The following PDE1A variants were observed in gnomAD, a reference collection of about 807,000 sequenced individuals.
PDE1A encodes the protein phosphodiesterase 1A, also known as dual specificity calcium/calmodulin-dependent 3',5'-cyclic nucleotide phosphodiesterase 1A.
Under a neutral mutation model 61.7 loss-of-function variants are expected in PDE1A, and 35 were observed. The ratio of observed to expected loss-of-function variants is 0.57; its 90% CI spans 0.43 to 0.75. The LOEUF is 0.75. PDE1A is among the 30% of genes least tolerant of loss of function. The probability of loss-of-function intolerance (pLI) is 0.00; values close to 1 mark genes in which losing one functional copy is unlikely to be tolerated. For synonymous variants in PDE1A, 232 were observed against 213.2 expected (o/e 1.09, Z -0.77); for missense variants, 597 against 630.6 (o/e 0.95, Z 0.57).
At chr2:182,442,165 C>T (rs1559467233) in intron 2 of PDE1A, among the ~76,000 whole-genome samples, 1 of 151,992 alleles carries the variant, frequency 6.6e-6, no homozygotes, top group South Asian at 2.1e-4. Context: ...TAATTATGTG[C>T]CTCCTGACCC....
downstream of PDE1A, among the ~76,000 whole-genome samples, chr2:182,166,330 G>A (rs571107727): frequency 3.9e-5 from 6 of 152,110 alleles, no homozygotes; most frequent in Non-Finnish European, 8.8e-5. Flanking sequence ...CTGGGACAAA[G>A]CAGGTAGAAA....
the PDE1A span, among the ~76,000 whole-genome samples, chr2:182,684,676 G>A: frequency 5.3e-5 from 8 of 152,146 alleles, no homozygotes; most frequent in South Asian, 4.1e-4. Flanking sequence ...TCAGCCTCCC[G>A]AGCAGCTGGG....
exon 2 of PDE1A, chr2:182,264,340 G>A (rs1418750796): frequency 3.1e-6 from 5 of 1,612,816 alleles, no homozygotes; most frequent in East Asian, 4.5e-5. Context: ...CACAGATGCC[G>A]CATATTCAAT....
At chr2:182,462,325 A>G (rs887647289) in intron 2 of PDE1A, among the ~76,000 whole-genome samples, 1 of 148,890 alleles carries the variant, frequency 6.7e-6, no homozygotes, top group Non-Finnish European at 1.5e-5. Flanking sequence ...ATAGACATAT[A>G]AAAAAGTATA....
At position 182,394,871 on chromosome 2, in the gene PDE1A, A is replaced by C. The variant is rs372583041; in HGVS notation, c.53+31707T>G. 3.3e-4 allele frequency among the ~76,000 whole-genome samples: 51 copies of C among 152,318 alleles called. No individual in the cohort carries two copies. The South Asian group carries it at 0.011, about 32-fold the overall frequency. On this transcript the variant is annotated intron_variant, in intron 1 of 13. Transcript: ENST00000351439. The stretch of plus-strand genomic sequence containing the variant: ...CTGCCTCCACCTAGAAAAACAGTAA[A>C]TCAAAAACAATATCACATCCCTGGA...
the PDE1A span, among the ~76,000 whole-genome samples, chr2:182,530,872 T>C: frequency 1.4e-5 from 2 of 146,364 alleles, no homozygotes; most frequent in East Asian, 4.2e-4. Context: ...GTAAATATCA[T>C]AGCCTTTCTT....
chr2:182,187,319 T>A (rs1685293144), intron 11 of PDE1A, among the ~76,000 whole-genome samples: 1 of 152,192 alleles, frequency 6.6e-6, no homozygotes, highest in African/African-American at 2.4e-5. Context: ...GAAAAGGGCA[T>A]TGTCCTCTGG....
At chr2:182,320,973 AAATT>A (rs1480455569) in intron 1 of PDE1A, among the ~76,000 whole-genome samples, 12 of 152,200 alleles carry the variant, frequency 7.9e-5, no homozygotes, top group African/African-American at 2.7e-4. Context: ...ATCATTAATT[AAATT>A]ATTTACTAAT....
chr2:182,689,755 A>G, the PDE1A span, among the ~76,000 whole-genome samples: 1 of 152,190 alleles, frequency 6.6e-6, no homozygotes, highest in African/African-American at 2.4e-5. Context: ...TTTTTTGAAA[A>G]GATCAACAAA....
the PDE1A span, among the ~76,000 whole-genome samples, chr2:182,631,181 C>T: frequency 7.4e-4 from 113 of 152,100 alleles, no homozygotes; most frequent in Non-Finnish European, 9.6e-4. Flanking sequence ...CATTCTAGTC[C>T]AAATCTGAAG....
In PDE1A at chr2:182,201,796, A is replaced by G. The variant is rs1686679270; in HGVS notation, c.903-7T>C. The G allele has an allele frequency of 6.4e-7, 1 of 1,556,928 alleles. No homozygotes were observed. The highest frequency in any genetic ancestry group is 8.8e-7 in the Non-Finnish European group (1 of 1,141,364). On this transcript the variant is annotated splice_polypyrimidine_tract_variant and splice_region_variant and intron_variant, in intron 8 of 13. Coordinates refer to ENST00000351439, the Ensembl canonical transcript of PDE1A. Reference sequence around the variant, plus strand: ...CACTAGGTTCCGAAGATCCCTGCAGAGTCACCAAAAGGAGAAAGGTTCATT... The same window carrying G: ...CACTAGGTTCCGAAGATCCCTGCAGGGTCACCAAAAGGAGAAAGGTTCATT...
At chr2:182,574,267 C>G in the PDE1A span, among the ~76,000 whole-genome samples, 2 of 152,062 alleles carry the variant, frequency 1.3e-5, no homozygotes, top group Admixed American at 1.3e-4. Context: ...CCTTCTCCAG[C>G]CCACTGACTC....
the PDE1A span, among the ~76,000 whole-genome samples, chr2:182,539,604 T>A: frequency 6.6e-6 from 1 of 152,218 alleles, no homozygotes; most frequent in Admixed American, 6.5e-5. Flanking sequence ...TATAATTTTA[T>A]TTTGTTATAT....
Position 182,264,236 on chromosome 2 carries a change from C to G in PDE1A, c.167+65G>C, listed in dbSNP as rs1340198705. 4 of 1,086,664 alleles carry G rather than the reference C, an allele frequency of 3.7e-6. No individual in the cohort carries two copies. The South Asian group carries it at 6.1e-5, about 17-fold the overall frequency. 67.3% of individuals were successfully genotyped at this position (1,086,664 alleles called of 1,614,324 possible). ...ATTCCTGTTTGAGATAAAGGAGGGT[C>G]AAGAAAGAGGAAGAAAAACGGGAGA... On this transcript the variant is annotated intron_variant, in intron 2 of 13. Coordinates refer to ENST00000351439, the Ensembl canonical transcript of PDE1A.
the PDE1A span, among the ~76,000 whole-genome samples, chr2:182,554,822 A>C: frequency 6.6e-6 from 1 of 152,170 alleles, no homozygotes; most frequent in Non-Finnish European, 1.5e-5. Flanking sequence ...CAGTTCATAG[A>C]AAAATATGGT....
chr2:182,228,874 C>T (rs9784041), intron 6 of PDE1A, among the ~76,000 whole-genome samples: 27,717 of 152,026 alleles, frequency 0.18, 2,695 homozygotes, highest in East Asian at 0.32. Flanking sequence ...TGAATAAAAT[C>T]AGAAAGTTAC....
At chr2:182,383,101 C>T (rs148503835) in intron 1 of PDE1A, among the ~76,000 whole-genome samples, 45 of 152,256 alleles carry the variant, frequency 3.0e-4, no homozygotes, top group Non-Finnish European at 5.3e-4. Flanking sequence ...CTCCAAGACT[C>T]CCCATAATCT....
intron 1 of PDE1A, among the ~76,000 whole-genome samples, chr2:182,315,152 T>C (rs1414455631): frequency 3.3e-5 from 5 of 152,186 alleles, no homozygotes; most frequent in African/African-American, 1.2e-4. Context: ...AAACTATTAA[T>C]ATGCCTTCAG....
the PDE1A span, among the ~76,000 whole-genome samples, chr2:182,562,471 G>C: frequency 6.6e-6 from 1 of 151,038 alleles, no homozygotes; most frequent in Non-Finnish European, 1.5e-5. Context: ...ATTTTATTGA[G>C]GATTTTTGCA....
Sources: gnomAD v4.1 joint callset for allele counts (sites outside exome capture counted in the v4.1 genomes callset) on GRCh38, gnomAD v4.1.1 for gene constraint, MANE v1.5 for transcripts, NCBI Gene and HGNC (gene_info 2026-07-23, HGNC 2026-07-21) for gene names.